LRRC72: variants seen among roughly 807,000 people sequenced by gnomAD.
The protein encoded by LRRC72 is leucine rich repeat containing 72.
Under a neutral mutation model 35.8 loss-of-function variants are expected in LRRC72, and 41 were observed. The observed-to-expected ratio is 1.15, with a 90% CI of 0.89 to 1.49. The LOEUF (loss-of-function observed/expected upper bound fraction) is 1.49. Among genes scored for constraint, LRRC72 ranks in the 40% most tolerant of loss-of-function variants. LRRC72 has a pLI of 0.00. For missense variants in LRRC72, 389 were observed against 330.7 expected, an observed-to-expected ratio of 1.18 and a Z score of -1.37; for synonymous variants, 118 against 119.2, an observed-to-expected ratio of 0.99 and a Z score of 0.07.
intron 3 of LRRC72, among the ~76,000 whole-genome samples, chr7:16,550,471 C>T (rs1227769974): frequency 1.3e-5 from 2 of 152,126 alleles, no homozygotes; most frequent in African/African-American, 4.8e-5. Flanking sequence ...ACCCAACCTC[C>T]TTACTCCTTT....
rs1782076067 is a variant in LRRC72 at position 16,526,885 on chromosome 7, C to G, written c.-68C>G. On this transcript the variant is annotated 5_prime_UTR_variant, in exon 1 of 9. Coordinates refer to ENST00000401542, the MANE Select transcript of LRRC72 (RefSeq NM_001195280.2). ...CAACGAGCTGTGCACCAAGCCAAGT[C>G]TCTCTTCGGTGCCACCGGCGGGCGA... is the stretch of plus-strand genomic sequence containing the variant. 1 of 1,296,542 alleles carries G rather than the reference C, an allele frequency of 7.7e-7. No individual in the cohort carries two copies. The allele number at this position is 1,296,542 out of a possible 1,614,324, so 80.3% of individuals were successfully genotyped here. A position where few individuals can be genotyped will look rare whatever the true frequency, so the allele number is the denominator to read the frequency against.
chr7:16,552,108 G>A (rs945674736), intron 3 of LRRC72, among the ~76,000 whole-genome samples: 2 of 152,212 alleles, frequency 1.3e-5, no homozygotes, highest in African/African-American at 4.8e-5. Flanking sequence ...CTTCTGTGTT[G>A]TGTGTGAGAG....
intron 3 of LRRC72, among the ~76,000 whole-genome samples, chr7:16,546,381 G>T (rs999140611): frequency 2.6e-5 from 4 of 152,050 alleles, no homozygotes; most frequent in Admixed American, 2.6e-4. Context: ...TGTATTTCAG[G>T]ATGCTCAGCA....
intron 7 of LRRC72, among the ~76,000 whole-genome samples, chr7:16,569,266 A>G (rs1488109991): frequency 6.6e-6 from 1 of 152,040 alleles, no homozygotes; most frequent in Non-Finnish European, 1.5e-5. Context: ...CATCTCTACT[A>G]AAAACAAAAA....
intron 7 of LRRC72, among the ~76,000 whole-genome samples, chr7:16,569,141 C>G (rs1056736809): frequency 6.6e-6 from 1 of 152,070 alleles, no homozygotes; most frequent in African/African-American, 2.4e-5. Context: ...TATTTAAGGA[C>G]AGGTGGCCAG....
In LRRC72 at chr7:16,569,639, T is replaced by C. The variant is rs186282414; in HGVS notation, c.670+2096T>C. On this transcript the variant is annotated intron_variant, in intron 7 of 8. Coordinates refer to ENST00000401542, the MANE Select transcript of LRRC72 (RefSeq NM_001195280.2). ...ATATCTCTTAAGATAATGAATTTAT[T>C]TGGGAGTAAGCAAAAAGAATTATAA... Among the ~76,000 whole-genome samples, 17 of 152,280 alleles carry C rather than the reference T, an allele frequency of 1.1e-4. No homozygotes were observed. The East Asian group carries it at 3.1e-3, about 28-fold the overall frequency.
In LRRC72 at chr7:16,551,979, C is replaced by T. The variant is rs76337665; in HGVS notation, c.235-5381C>T. 5.5e-3 allele frequency among the ~76,000 whole-genome samples: 831 copies of T among 152,182 alleles called. 5 individuals carry two copies. Among genetic ancestry groups the T allele is most frequent in the African/African-American group, 0.018 (764 of 41,526 alleles). On this transcript the variant is annotated intron_variant, in intron 3 of 8. Coordinates refer to ENST00000401542, the MANE Select transcript of LRRC72 (RefSeq NM_001195280.2). ...AGCCCCGAACCTGTGAGATCTGATGCGATTTCCAGGGAGATGGTGCAGAAA... is the reference window on the plus strand; with the variant it reads ...AGCCCCGAACCTGTGAGATCTGATGTGATTTCCAGGGAGATGGTGCAGAAA...
At chr7:16,554,381 A>G (rs879345713) in intron 3 of LRRC72, among the ~76,000 whole-genome samples, 6 of 152,212 alleles carry the variant, frequency 3.9e-5, no homozygotes, top group Non-Finnish European at 7.3e-5. Context: ...GCTGAGTATC[A>G]GGACAATAGC....
At chr7:16,557,488 A>C in intron 4 of LRRC72, 47 bp downstream of exon 4, 1 of 718,948 alleles carries the variant, frequency 1.4e-6, no homozygotes, top group Non-Finnish European at 2.0e-6. Flanking sequence ...CAATTAAGTA[A>C]TAACTTTCAA....
chr7:16,566,684 T>C (rs973272009), intron 6 of LRRC72, among the ~76,000 whole-genome samples: 3 of 152,278 alleles, frequency 2.0e-5, no homozygotes, highest in Admixed American at 6.5e-5. Context: ...CATTAACAGG[T>C]TGGATGCCAA....
chr7:16,572,380 C>A (rs968544912), intron 7 of LRRC72, among the ~76,000 whole-genome samples: 8 of 152,262 alleles, frequency 5.3e-5, no homozygotes, highest in African/African-American at 1.7e-4. Context: ...ATATCCCTGA[C>A]GAACATCAGT....
intron 8 of LRRC72, among the ~76,000 whole-genome samples, 183 bp downstream of exon 8, chr7:16,580,284 C>T (rs1262165614): frequency 6.6e-6 from 1 of 152,160 alleles, no homozygotes; most frequent in African/African-American, 2.4e-5. Context: ...TAATATTTGA[C>T]ATATTTGGGC....
intron 7 of LRRC72, among the ~76,000 whole-genome samples, chr7:16,576,820 C>T (rs144567832): frequency 0.031 from 4,677 of 152,174 alleles, 134 homozygotes; most frequent in Non-Finnish European, 0.044. Flanking sequence ...GGTGCTGAGC[C>T]CAAGCTGGGG....
At chr7:16,538,893 T>C (rs1189931824) in intron 3 of LRRC72, among the ~76,000 whole-genome samples, 3 of 152,210 alleles carry the variant, frequency 2.0e-5, no homozygotes, top group Non-Finnish European at 4.4e-5. Flanking sequence ...TCCCCAGCCA[T>C]GTGGAATGGT....
At chr7:16,528,467 G>C (rs1782110545) in intron 1 of LRRC72, among the ~76,000 whole-genome samples, 1 of 151,960 alleles carries the variant, frequency 6.6e-6, no homozygotes, top group Non-Finnish European at 1.5e-5. Flanking sequence ...TTCTCATCAA[G>C]TCATCACATC....
chr7:16,560,868 T>C (rs1365392638), intron 5 of LRRC72, among the ~76,000 whole-genome samples: 1 of 152,176 alleles, frequency 6.6e-6, no homozygotes, highest in Non-Finnish European at 1.5e-5. Context: ...TTTTAAATAA[T>C]AATCATATAG....
At chr7:16,548,709 G>T (rs556415699) in intron 3 of LRRC72, among the ~76,000 whole-genome samples, 2 of 152,194 alleles carry the variant, frequency 1.3e-5, no homozygotes, top group Non-Finnish European at 2.9e-5. Flanking sequence ...GATCCAAGCT[G>T]GTAGCAGGAG....
chr7:16,579,829 G>T (rs989819298), intron 7 of LRRC72, among the ~76,000 whole-genome samples: 3 of 152,074 alleles, frequency 2.0e-5, no homozygotes, highest in Admixed American at 2.0e-4. Flanking sequence ...TCAGGGTTTT[G>T]AGATTTGTAT....
At chr7:16,527,486 G>A (rs1207533020) in intron 1 of LRRC72, among the ~76,000 whole-genome samples, 2 of 151,936 alleles carry the variant, frequency 1.3e-5, no homozygotes, top group African/African-American at 4.8e-5. Flanking sequence ...GTGGGTGTGG[G>A]TGTGTATCCC....
Sources: gnomAD v4.1 joint callset for allele counts (sites outside exome capture counted in the v4.1 genomes callset) on GRCh38, gnomAD v4.1.1 for gene constraint, MANE v1.5 for transcripts, NCBI Gene and HGNC (gene_info 2026-07-23, HGNC 2026-07-21) for gene names.